DOCK5: variants seen among roughly 807,000 people sequenced by gnomAD.
The protein encoded by DOCK5 is dedicator of cytokinesis 5.
A neutral mutation model predicts 251.8 loss-of-function variants in DOCK5; 142 were observed. That is an observed-to-expected ratio of 0.56 (90% CI 0.49 to 0.65). The LOEUF is 0.65. DOCK5 is among the 30% of genes least tolerant of loss of function. The pLI, the probability that DOCK5 is intolerant of heterozygous loss-of-function variation, is 0.00. For synonymous variants in DOCK5, 842 were observed against 835.5 expected (o/e 1.01, Z -0.13); for missense variants, 2,111 against 2,312.3 (o/e 0.91, Z 1.79).
intron 1 of DOCK5, among the ~76,000 whole-genome samples, chr8:25,220,662 A>T (rs1802362602): frequency 6.6e-6 from 1 of 151,958 alleles, no homozygotes; most frequent in Non-Finnish European, 1.5e-5. Flanking sequence ...CCCAGGTTGG[A>T]GTATAGTGGC....
In DOCK5 at chr8:25,251,992, C is replaced by CA. The variant is rs35842362; in HGVS notation, c.127+8251dup. 7.6e-4 allele frequency among the ~76,000 whole-genome samples: 103 copies of CA among 136,288 alleles called. 1 individual carries two copies. The highest frequency in any genetic ancestry group is 9.6e-4 in the Admixed American group (13 of 13,574). 89.4% of individuals were successfully genotyped at this position (136,288 alleles called of 152,430 possible). ...TGGGTGACACAGCAAGACTCTATCTCAAAAAAAAAAAAAAAAGAGTGCTTT... is the reference window on the plus strand; with the variant it reads ...TGGGTGACACAGCAAGACTCTATCTCAAAAAAAAAAAAAAAAAGAGTGCTTT... On this transcript the variant is annotated intron_variant, in intron 2 of 51. Coordinates refer to ENST00000276440, the MANE Select transcript of DOCK5 (RefSeq NM_024940.8).
chr8:25,267,744 C>T (rs913139449), intron 2 of DOCK5, among the ~76,000 whole-genome samples: 4 of 152,112 alleles, frequency 2.6e-5, no homozygotes, highest in Non-Finnish European at 5.9e-5. Flanking sequence ...CAGTGAACTT[C>T]CTACAGTAGG....
At chr8:25,269,274 C>G (rs964064283) in intron 3 of DOCK5, among the ~76,000 whole-genome samples, 2 of 152,182 alleles carry the variant, frequency 1.3e-5, no homozygotes, top group African/African-American at 4.8e-5. Context: ...CCCATTTCCA[C>G]TTGATCCTTT....
rs201941800 is a variant in DOCK5 at position 25,336,225 on chromosome 8, C to T, written c.2193-14C>T. The T allele has an allele frequency of 1.2e-6, 2 of 1,601,488 alleles. No individual in the cohort carries two copies. Among genetic ancestry groups the T allele is most frequent in the African/African-American group, 1.3e-5 (1 of 74,838 alleles). ...TTGCTCATTGGCTTAATTTTTCTTT[C>T]TCATTCTTCTAAGGAAACTCTCCAA... On this transcript the variant is annotated splice_polypyrimidine_tract_variant and intron_variant, in intron 21 of 51. Coordinates refer to ENST00000276440, the MANE Select transcript of DOCK5 (RefSeq NM_024940.8).
At position 25,382,660 on chromosome 8, in the gene DOCK5, G is replaced by A. The variant is rs570462986; in HGVS notation, c.4027-14G>A. The A allele has an allele frequency of 6.3e-7, 1 of 1,593,646 alleles. No homozygotes were observed. Among genetic ancestry groups the A allele is most frequent in the Non-Finnish European group, 8.6e-7 (1 of 1,168,270 alleles). On this transcript the variant is annotated splice_polypyrimidine_tract_variant and intron_variant, in intron 39 of 51. Coordinates refer to ENST00000276440, the MANE Select transcript of DOCK5 (RefSeq NM_024940.8). Reference sequence around the variant, plus strand: ...TTATAACCTCCCCTTGGAATGTCTTGTTTTGTTTTCCAGAAAAAAAGGGCC... The same window carrying A: ...TTATAACCTCCCCTTGGAATGTCTTATTTTGTTTTCCAGAAAAAAAGGGCC...
chr8:25,319,595 T>G lies in DOCK5; in HGVS notation c.1461T>G (p.Gly487=). ...GKLLEKAIHP[G]AGYEGISEYK... is the part of the protein sequence containing the mutation. ...ATCTGAAGAAAGCAATTCACCCTGG[T>G]GCTGGATATGAAGGCATTTCAGAAT... Residue 487 remains glycine (G), a synonymous_variant, in exon 15 of 52, where the codon GGT becomes GGG. Transcript: ENST00000276440. 1 of 1,583,176 alleles carries G rather than the reference T, an allele frequency of 6.3e-7. No individual in the cohort carries two copies. Among genetic ancestry groups the G allele is most frequent in the East Asian group, 2.3e-5 (1 of 43,940 alleles).
Position 25,410,309 on chromosome 8 carries a change from A to T in DOCK5, c.5508+107A>T, listed in dbSNP as rs1801599413. ...GGGCAGGTTTGCTCATAGACCTGTC[A>T]CTGCAGTCGATTCTTGGCTCATTCC... On this transcript the variant is annotated intron_variant, in intron 51 of 51. Coordinates refer to ENST00000276440, the MANE Select transcript of DOCK5 (RefSeq NM_024940.8). 4.6e-6 allele frequency: 4 copies of T among 873,242 alleles called. No homozygotes were observed. In the Admixed American group the frequency reaches 9.3e-5, roughly 20 times the overall value. The allele number at this position is 873,242 out of a possible 1,614,324, so 54.1% of individuals were successfully genotyped here. A position where few individuals can be genotyped will look rare whatever the true frequency, so the allele number is the denominator to read the frequency against.
At position 25,244,081 on chromosome 8, in the gene DOCK5, C is replaced by T. The variant is rs565817664; in HGVS notation, c.127+324C>T. On this transcript the variant is annotated intron_variant, in intron 2 of 51. Coordinates refer to ENST00000276440, the MANE Select transcript of DOCK5 (RefSeq NM_024940.8). ...GGAGACACTTGGGATGTTGGGCTGGCAGTAGCTCAAAGGAAGCACTGCTGA... is the reference window on the plus strand; with the variant it reads ...GGAGACACTTGGGATGTTGGGCTGGTAGTAGCTCAAAGGAAGCACTGCTGA... Among the ~76,000 whole-genome samples, 3 of 152,308 alleles carry T rather than the reference C, an allele frequency of 2.0e-5. No individual in the cohort carries two copies. In the East Asian group the frequency reaches 5.8e-4, roughly 29 times the overall value.
intron 2 of DOCK5, among the ~76,000 whole-genome samples, chr8:25,262,058 CT>C (rs1289169997): frequency 8.5e-5 from 13 of 152,122 alleles, no homozygotes; most frequent in South Asian, 2.1e-4. Flanking sequence ...TGTATTCCAG[CT>C]TTTGACTATT....
At chr8:25,208,695 A>G (rs914903456) in intron 1 of DOCK5, among the ~76,000 whole-genome samples, 3 of 152,192 alleles carry the variant, frequency 2.0e-5, no homozygotes, top group Admixed American at 2.0e-4. Context: ...GGCACAGGGG[A>G]ACCGAAAAAT....
At position 25,395,650 on chromosome 8, in the gene DOCK5, C is replaced by T; in HGVS notation, c.4635C>T (p.His1545=). 5 of 1,613,656 alleles carry T rather than the reference C, an allele frequency of 3.1e-6. No individual in the cohort carries two copies. The highest frequency in any genetic ancestry group is 3.4e-6 in the Non-Finnish European group (4 of 1,179,810). The part of the protein sequence containing the change: ...QHAWDRSLSV[H]PLSMLLSGIV... ...CCTGGGACCGGTCCCTCTCTGTGCA[C>T]CCTCTCTCCATGCTGCTCAGTGGCA... The change falls in exon 45 of 52, where the codon CAC becomes CAT. Residue 1545 remains histidine (H), a synonymous_variant. Transcript: ENST00000276440.
chr8:25,332,618 C>T lies in DOCK5; in HGVS notation c.2017C>T (p.Leu673=), dbSNP rs1586336633. 1.2e-6 allele frequency: 2 copies of T among 1,611,434 alleles called. No homozygotes were observed. Among genetic ancestry groups the T allele is most frequent in the Non-Finnish European group, 1.7e-6 (2 of 1,178,972 alleles). The change falls in exon 20 of 52, where the codon CTA becomes TTA. Residue 673 remains leucine (L), a synonymous_variant. Coordinates refer to ENST00000276440, the MANE Select transcript of DOCK5 (RefSeq NM_024940.8). The part of the protein sequence containing the change: ...GEIVKFLQDT[L]DALFNIMMEM... Reference sequence around the variant, plus strand: ...TTATCTTCAGTTTTTGCAAGATACACTAGATGCACTCTTTAACATAATGAT... The same window carrying T: ...TTATCTTCAGTTTTTGCAAGATACATTAGATGCACTCTTTAACATAATGAT...
Position 25,372,694 on chromosome 8 carries a change from T to G in DOCK5, c.3660T>G (p.Arg1220=). The part of the protein sequence containing the change: ...IIMQDESKEN[R]MSCTVNVLNF... ...TGCAAGATGAGAGCAAGGAGAACCG[T>G]ATGAGCTGCACTGTGAACGTGCTGG... is the stretch of plus-strand genomic sequence containing the variant. Residue 1220 remains arginine, a synonymous_variant, in exon 35 of 52, where the codon CGT becomes CGG. Coordinates refer to ENST00000276440, the MANE Select transcript of DOCK5 (RefSeq NM_024940.8). The G allele has an allele frequency of 6.2e-7, 1 of 1,611,348 alleles. No individual in the cohort carries two copies. Among genetic ancestry groups the G allele is most frequent in the South Asian group, 1.1e-5 (1 of 90,446 alleles).
At chr8:25,403,318 T>C (rs907191088) in intron 47 of DOCK5, among the ~76,000 whole-genome samples, 2 of 152,204 alleles carry the variant, frequency 1.3e-5, no homozygotes, top group Non-Finnish European at 2.9e-5. Context: ...TTATGACAAC[T>C]TTTTCTCTAG....
rs564601771 is a variant in DOCK5, at chr8:25,359,139, G to A, written c.2949+78G>A. ...AAAAAAATGACTGAAGCTGAGCATC[G>A]TGAGTCCAGGGTTCTCTTCCCACGC... On this transcript the variant is annotated intron_variant, in intron 28 of 51. Transcript: ENST00000276440. 161 of 1,286,180 alleles carry A rather than the reference G, an allele frequency of 1.3e-4. No homozygotes were observed. The African/African-American group carries it at 1.6e-3, about 13-fold the overall frequency. The allele number at this position is 1,286,180 out of a possible 1,614,324, so 79.7% of individuals were successfully genotyped here.
chr8:25,341,876 C>CAGG, intron 24 of DOCK5, 67 bp downstream of exon 24: 2 of 1,294,880 alleles, frequency 1.5e-6, no homozygotes, highest in Non-Finnish European at 2.2e-6. Context: ...TGGCTGGAGC[C>CAGG]TGGGCTGCTA....
In DOCK5 at chr8:25,372,061, G is replaced by A. The variant is rs77080423; in HGVS notation, c.3525-498G>A. 7.4e-3 allele frequency among the ~76,000 whole-genome samples: 1,128 copies of A among 152,312 alleles called. 23 individuals carry two copies. The highest frequency in any genetic ancestry group is 0.026 in the African/African-American group (1,087 of 41,560). ...GAGCCGCATTGCAGGAGATGTACTAGGTTCCCAGGTTCCTCTAGGCTGGGC... is the reference window on the plus strand; with the variant it reads ...GAGCCGCATTGCAGGAGATGTACTAAGTTCCCAGGTTCCTCTAGGCTGGGC... On this transcript the variant is annotated intron_variant, in intron 34 of 51. Transcript: ENST00000276440.
chr8:25,269,378 C>A (rs1357207541), intron 3 of DOCK5, among the ~76,000 whole-genome samples: 1 of 152,100 alleles, frequency 6.6e-6, no homozygotes, highest in Admixed American at 6.6e-5. Context: ...TGGATTATAA[C>A]CAATTTTTTC....
chr8:25,255,842 T>A (rs1438530846), intron 2 of DOCK5, among the ~76,000 whole-genome samples: 1 of 152,186 alleles, frequency 6.6e-6, no homozygotes, highest in African/African-American at 2.4e-5. Flanking sequence ...CTCTACAAAT[T>A]AAAGGCTATT....
Sources: allele counts gnomAD v4.1 joint callset (sites outside exome capture counted in the v4.1 genomes callset), GRCh38; gene constraint gnomAD v4.1.1; transcripts MANE v1.5; gene names NCBI Gene and HGNC (gene_info 2026-07-23, HGNC 2026-07-21).